Variants in CUL4A observed in about 807,000 individuals in gnomAD.
The protein encoded by CUL4A is cullin 4A, also known as cullin-4A.
Under a neutral mutation model 95.5 loss-of-function variants are expected in CUL4A, and 16 were observed. That is an observed-to-expected ratio of 0.17 (90% CI 0.11 to 0.25). The LOEUF (loss-of-function observed/expected upper bound fraction) is 0.25, where lower values mean the gene tolerates loss of function less well. CUL4A is among the 10% of genes least tolerant of loss of function. CUL4A has a pLI of 1.00. For synonymous variants in CUL4A, 380 were observed against 353.1 expected (o/e 1.08, Z -0.85); for missense variants, 610 against 937.0 (o/e 0.65, Z 4.56).
At chr13:113,221,621 C>G (rs2040901265) in intron 3 of CUL4A, among the ~76,000 whole-genome samples, 2 of 152,116 alleles carry the variant, frequency 1.3e-5, no homozygotes, top group South Asian at 2.1e-4. Flanking sequence ...CTCTGTCACC[C>G]AGGCTAGAGT....
chr13:113,209,543 C>A, upstream of CUL4A: 1 of 779,484 alleles, frequency 1.3e-6, no homozygotes, highest in Non-Finnish European at 1.5e-6. Context: ...GAGGACGGGG[C>A]GGAGGCCGCG....
chr13:113,212,274 T>C (rs1210801553), intron 2 of CUL4A, among the ~76,000 whole-genome samples: 2 of 152,152 alleles, frequency 1.3e-5, no homozygotes, highest in Non-Finnish European at 2.9e-5. Flanking sequence ...TTCTCTTAAC[T>C]GTGCCATTTG....
chr13:113,247,738 C>A (rs1317555081), intron 15 of CUL4A, among the ~76,000 whole-genome samples: 2 of 152,214 alleles, frequency 1.3e-5, no homozygotes, highest in Non-Finnish European at 2.9e-5. Flanking sequence ...GTGGTGCTGT[C>A]CCTTCCTGTC....
At chr13:113,256,297 A>G (rs9604040) in intron 18 of CUL4A, among the ~76,000 whole-genome samples, 105,146 of 152,056 alleles carry the variant, frequency 0.69, 36,886 homozygotes, top group Middle Eastern at 0.79. Flanking sequence ...TAGACCCACC[A>G]GGGCTGGCAG....
In CUL4A at chr13:113,223,388, ATTTG is replaced by A. The variant is rs1209108108; in HGVS notation, c.368+4343_368+4346del. 3.3e-5 allele frequency among the ~76,000 whole-genome samples: 5 copies of A among 151,588 alleles called. No individual in the cohort carries two copies. The East Asian group carries it at 1.0e-3, about 31-fold the overall frequency. On this transcript the variant is annotated intron_variant, in intron 3 of 19. Transcript: ENST00000375440. ...AACTCTACTTTCTAAGATTTAAGTA[ATTTG>A]TTGTTGTTGTTGTTGTTTTGAGACG...
chr13:113,233,392 C>G, intron 6 of CUL4A, 53 bp downstream of exon 6: 1 of 1,494,078 alleles, frequency 6.7e-7, no homozygotes, highest in Non-Finnish European at 9.2e-7. Context: ...CTACTTGCAC[C>G]AGAATAAATG....
At position 113,241,511 on chromosome 13, in the gene CUL4A, C is replaced by CTTTTT. The variant is rs10645246; in HGVS notation, c.1036-1440_1036-1436dup. On this transcript the variant is annotated intron_variant, in intron 10 of 19. Coordinates refer to ENST00000375440, the MANE Select transcript of CUL4A (RefSeq NM_001008895.4). ...GAGTCTGTGCCCTTTCTGTTGGCAT[C>CTTTTT]TTTTTTTTTTTTTTTTTTTTTGAGG... Among the ~76,000 whole-genome samples, 67 of 120,074 alleles carry CTTTTT rather than the reference C, an allele frequency of 5.6e-4. 1 individual carries two copies. Among genetic ancestry groups the CTTTTT allele is most frequent in the African/African-American group, 1.2e-3 (40 of 33,814 alleles). The allele number at this position is 120,074 out of a possible 152,430, so 78.8% of individuals were successfully genotyped here.
At chr13:113,230,449 T>C (rs2041270515) in intron 5 of CUL4A, among the ~76,000 whole-genome samples, 2 of 152,232 alleles carry the variant, frequency 1.3e-5, no homozygotes, top group East Asian at 3.9e-4. Context: ...TAATGCCATT[T>C]GCCCTTCTAA....
intron 2 of CUL4A, among the ~76,000 whole-genome samples, chr13:113,213,814 G>C (rs1159977063): frequency 6.6e-6 from 1 of 152,204 alleles, no homozygotes; most frequent in East Asian, 1.9e-4. Flanking sequence ...CATCTCTGGA[G>C]GTGCTGCCCC....
At chr13:113,239,664 G>A (rs1325769954) in intron 10 of CUL4A, 113 bp downstream of exon 10, 37 of 704,424 alleles carry the variant, frequency 5.3e-5, no homozygotes, top group South Asian at 3.9e-4. Context: ...TGGAGGGCCC[G>A]TCTGCATTTT....
intron 4 of CUL4A, among the ~76,000 whole-genome samples, chr13:113,228,381 CTT>C (rs1566337304): frequency 2.0e-5 from 3 of 152,188 alleles, no homozygotes; most frequent in Admixed American, 6.5e-5. Context: ...CAACCAGCGT[CTT>C]AGGCTTTGTA....
upstream of CUL4A, chr13:113,208,346 C>T: frequency 7.0e-7 from 1 of 1,433,986 alleles, no homozygotes; most frequent in East Asian, 2.5e-5. Context: ...GCCGCGTCTA[C>T]TTACACCGCG....
chr13:113,242,357 A>G (rs2041741028), intron 10 of CUL4A, among the ~76,000 whole-genome samples: 1 of 152,208 alleles, frequency 6.6e-6, no homozygotes. Flanking sequence ...CCCAAGAGGT[A>G]TATTGAATTA....
In CUL4A at chr13:113,211,401, T is replaced by C. The variant is rs946994402; in HGVS notation, c.264+1313T>C. ...TGGGGTTTTTTGTTTGTTTGTTCTT[T>C]GAGACGGAGTTTCACTCTTGTGGCC... is the stretch of plus-strand genomic sequence containing the variant. On this transcript the variant is annotated intron_variant, in intron 2 of 19. Coordinates refer to ENST00000375440, the MANE Select transcript of CUL4A (RefSeq NM_001008895.4). 2.6e-5 allele frequency among the ~76,000 whole-genome samples: 4 copies of C among 152,352 alleles called. No homozygotes were observed. In the South Asian group the frequency reaches 8.3e-4, roughly 32 times the overall value.
intron 15 of CUL4A, 128 bp downstream of exon 15, chr13:113,246,191 C>T (rs1199889213): frequency 2.3e-5 from 15 of 663,678 alleles, no homozygotes; most frequent in Non-Finnish European, 2.1e-5. Context: ...AATCAAAGTG[C>T]TCTTATGGTC....
upstream of CUL4A, chr13:113,208,652 G>T (rs375308286): frequency 8.1e-6 from 13 of 1,604,472 alleles, no homozygotes; most frequent in Non-Finnish European, 1.1e-5. Flanking sequence ...CCGCCGAACG[G>T]AGAGCGCCAC....
intron 3 of CUL4A, among the ~76,000 whole-genome samples, chr13:113,225,337 A>C (rs1024349123): frequency 2.6e-5 from 4 of 152,250 alleles, no homozygotes; most frequent in Non-Finnish European, 5.9e-5. Context: ...TTTGATGTTT[A>C]GAAGGCCAAA....
chr13:113,256,802 G>T (rs2042130871), intron 18 of CUL4A, among the ~76,000 whole-genome samples: 1 of 145,086 alleles, frequency 6.9e-6, no homozygotes, highest in Non-Finnish European at 1.5e-5. Context: ...TTAGCCATTT[G>T]TATTTTTCTT....
intron 14 of CUL4A, 43 bp downstream of exon 14, chr13:113,245,280 C>T: frequency 1.3e-6 from 2 of 1,553,758 alleles, no homozygotes; most frequent in African/African-American, 2.7e-5. Context: ...TAAAAAGTAT[C>T]TGTTAGTGTG....
Sources: gnomAD v4.1 joint callset for allele counts (sites outside exome capture counted in the v4.1 genomes callset) on GRCh38, gnomAD v4.1.1 for gene constraint, MANE v1.5 for transcripts, NCBI Gene and HGNC (gene_info 2026-07-23, HGNC 2026-07-21) for gene names.